Variants in HMCN2 observed in about 807,000 individuals in gnomAD.
HMCN2 encodes the protein hemicentin-2.
HMCN2 carries 325 observed loss-of-function variants against 377.5 expected under a neutral mutation model. The observed-to-expected ratio is 0.86, with a 90% CI of 0.79 to 0.94. The LOEUF (loss-of-function observed/expected upper bound fraction) is 0.94. Among genes scored for constraint, HMCN2 ranks in the 40% least tolerant of loss-of-function variants. HMCN2 has a pLI of 0.00. For synonymous variants in HMCN2, 2,007 were observed against 2,046.8 expected (o/e 0.98, Z 0.53); for missense variants, 4,543 against 4,725.3 (o/e 0.96, Z 1.13).
intron 15 of HMCN2, among the ~76,000 whole-genome samples, chr9:130,317,355 A>G (rs1055988812): frequency 3.3e-5 from 5 of 151,982 alleles, no homozygotes; most frequent in Non-Finnish European, 7.4e-5. Context: ...GCTCGTCTTC[A>G]TGCCTGTCAC....
chr9:130,348,103 C>T (rs1160332205), intron 26 of HMCN2: 1 of 939,152 alleles, frequency 1.1e-6, no homozygotes, highest in Non-Finnish European at 1.3e-6. Context: ...GGCAGTTCTA[C>T]CAGCTCCTAA....
intron 96 of HMCN2, 135 bp downstream of exon 96, chr9:130,431,621 C>T: frequency 7.6e-7 from 1 of 1,312,600 alleles, no homozygotes; most frequent in Non-Finnish European, 1.0e-6. Flanking sequence ...GGCGGGGAGG[C>T]AGGCTCAGAG....
intron 77 of HMCN2, among the ~76,000 whole-genome samples, chr9:130,401,401 G>A (rs1790388206): frequency 6.6e-6 from 1 of 152,074 alleles, no homozygotes; most frequent in Non-Finnish European, 1.5e-5. Context: ...TCCGCTCACT[G>A]CAGCCTCCAC....
intron 15 of HMCN2, among the ~76,000 whole-genome samples, chr9:130,310,786 C>G (rs1837207189): frequency 6.6e-6 from 1 of 152,164 alleles, no homozygotes; most frequent in African/African-American, 2.4e-5. Flanking sequence ...GAATTCCAGT[C>G]TCGTCTCTGT....
In HMCN2 at chr9:130,394,651, T is replaced by C; in HGVS notation, c.10692+76T>C. On this transcript the variant is annotated intron_variant, in intron 69 of 97. Coordinates refer to ENST00000683500, the MANE Select transcript of HMCN2 (RefSeq NM_001291815.2). The surrounding 1 kb of genome is among the most constrained non-coding windows in gnomAD (Gnocchi z 5.1). ...GGGACTGCAGGTTCCCCAGACCCAGTGGGCAGTTGACAAAGTTGGGCTGAA... is the reference window on the plus strand; with the variant it reads ...GGGACTGCAGGTTCCCCAGACCCAGCGGGCAGTTGACAAAGTTGGGCTGAA... 1 of 1,142,354 alleles carries C rather than the reference T, an allele frequency of 8.8e-7. No homozygotes were observed. The highest frequency in any genetic ancestry group is 1.5e-5 in the South Asian group (1 of 67,548). The allele number at this position is 1,142,354 out of a possible 1,614,324, so 70.8% of individuals were successfully genotyped here. A position where few individuals can be genotyped will look rare whatever the true frequency, so the allele number is the denominator to read the frequency against.
intron 22 of HMCN2, among the ~76,000 whole-genome samples, chr9:130,332,863 C>G (rs1446625183): frequency 2.0e-5 from 3 of 152,234 alleles, no homozygotes; most frequent in Non-Finnish European, 4.4e-5. Context: ...GAGAACCAGC[C>G]GTGCAGCAGG....
intron 25 of HMCN2, among the ~76,000 whole-genome samples, chr9:130,343,528 C>CCCCCGAACCT (rs1839177657): frequency 6.6e-6 from 1 of 152,176 alleles, no homozygotes; most frequent in Non-Finnish European, 1.5e-5. Context: ...CCCACCTGGC[C>CCCCCGAACCT]CCCCGACCCT....
rs145356627 is a variant in HMCN2, at chr9:130,408,140, C to T, written c.12688+435C>T. On this transcript the variant is annotated intron_variant, in intron 83 of 97. Coordinates refer to ENST00000683500, the MANE Select transcript of HMCN2 (RefSeq NM_001291815.2). ...GTAGCACAGGAGCCCTCGGTGACAA[C>T]GTGTCTTAGTTTGCACAACCTCAGG... Among the ~76,000 whole-genome samples, 598 of 152,254 alleles carry T rather than the reference C, an allele frequency of 3.9e-3. 1 individual carries two copies. Among genetic ancestry groups the T allele is most frequent in the African/African-American group, 7.0e-3 (290 of 41,550 alleles).
chr9:130,395,123 TG>T lies in HMCN2; in HGVS notation c.10774+19del, dbSNP rs780687731. On this transcript the variant is annotated intron_variant, in intron 70 of 97. Transcript: ENST00000683500. ...CAGGGTTCAAGGTAGGTGGTGGGGG[TG>T]GGGTGGGGGCAGGGCCGGGAGGCAG... The T allele has an allele frequency of 3.0e-4, 25 of 83,322 alleles. No individual in the cohort carries two copies. The South Asian group carries it at 4.5e-3, about 15-fold the overall frequency. 5.2% of individuals were successfully genotyped at this position (83,322 alleles called of 1,614,324 possible). A position where few individuals can be genotyped will look rare whatever the true frequency, so the allele number is the denominator to read the frequency against.
Position 130,416,442 on chromosome 9 carries a change from C to T in HMCN2, c.12962-2330C>T, listed in dbSNP as rs114940422. On this transcript the variant is annotated intron_variant, in intron 85 of 97. Transcript: ENST00000683500. ...TAAGTGGAATCACCCCACACGTGCTCTTGCGTAGACTCTTCTTTTGCACAT... is the reference window on the plus strand; with the variant it reads ...TAAGTGGAATCACCCCACACGTGCTTTTGCGTAGACTCTTCTTTTGCACAT... Among the ~76,000 whole-genome samples the T allele has an allele frequency of 8.6e-3, 1,310 of 151,788 alleles. 20 individuals carry two copies. Among genetic ancestry groups the T allele is most frequent in the African/African-American group, 0.03 (1,247 of 41,084 alleles).
intron 15 of HMCN2, among the ~76,000 whole-genome samples, chr9:130,314,753 G>A (rs1315560943): frequency 6.6e-6 from 1 of 152,206 alleles, no homozygotes; most frequent in Non-Finnish European, 1.5e-5. Context: ...ACAGCCCTGG[G>A]TGGGAGGCAG....
At chr9:130,376,251 G>A (rs1052060227) in intron 51 of HMCN2, among the ~76,000 whole-genome samples, 4 of 152,154 alleles carry the variant, frequency 2.6e-5, no homozygotes, top group African/African-American at 9.7e-5. Context: ...ATAAACAGAG[G>A]CTCTGCAGAT....
At chr9:130,344,880 ATG>A in intron 25 of HMCN2, among the ~76,000 whole-genome samples, 1 of 113,346 alleles carries the variant, frequency 8.8e-6, no homozygotes, top group Admixed American at 8.9e-5. Flanking sequence ...TGGTGTGTGT[ATG>A]GTGTTTGGTG....
Position 130,425,773 on chromosome 9 carries a change from G to T in HMCN2, c.13728G>T (p.Ser4576=). 2 of 1,550,430 alleles carry T rather than the reference G, an allele frequency of 1.3e-6. No individual in the cohort carries two copies. Residue 4576 remains serine, a synonymous_variant, in exon 90 of 98, where the codon TCG becomes TCT. Transcript: ENST00000683500. ...GCTTCTTCCAGGGCGGCCTCCCCTC[G>T]TTCCTACGCTGCAACCACAGCATCC... The part of the protein sequence containing the change: ...TQRFFQGGLP[S]FLRCNHSIQY...
At position 130,286,815 on chromosome 9, in the gene HMCN2, G is replaced by A. The variant is rs1404023577; in HGVS notation, c.612+505G>A. 2.6e-5 allele frequency among the ~76,000 whole-genome samples: 4 copies of A among 152,204 alleles called. No homozygotes were observed. In the East Asian group the frequency reaches 5.8e-4, roughly 22 times the overall value. ...GGCTTGCTGTGTGGCCTACAGTGCC[G>A]GGATCTGCGTTCACTCAGAGCCCAG... is the stretch of plus-strand genomic sequence containing the variant. On this transcript the variant is annotated intron_variant, in intron 4 of 97. Transcript: ENST00000683500.
chr9:130,316,225 T>C (rs1237503737), intron 15 of HMCN2, among the ~76,000 whole-genome samples: 1 of 152,144 alleles, frequency 6.6e-6, no homozygotes, highest in Non-Finnish European at 1.5e-5. Context: ...GGAAGCAGCG[T>C]CAGGGACTGT....
chr9:130,428,425 GTCCTACCGCTGCC>G lies in HMCN2; in HGVS notation c.14137_14149del (p.Tyr4713ProfsTer59). 6.5e-7 allele frequency: 1 copy of G among 1,547,122 alleles called. No individual in the cohort carries two copies. The highest frequency in any genetic ancestry group is 8.7e-7 in the Non-Finnish European group (1 of 1,146,948). On this transcript the variant is annotated frameshift_variant, in exon 93 of 98. Transcript: ENST00000683500. LOFTEE classifies it high-confidence loss of function. This position sits in a 1 kb window ranked among gnomAD's most constrained non-coding sequence, Gnocchi z 5.0. ...GACAGCGCTGTGTGAACCTGCTCGG[GTCCTACCGCTGCC>G]TCCCCGACTGTGGGCCTGGCTTCCG...
chr9:130,417,102 A>G (rs902131944), intron 85 of HMCN2, among the ~76,000 whole-genome samples: 2 of 151,482 alleles, frequency 1.3e-5, no homozygotes, highest in South Asian at 2.1e-4. Context: ...TAGTAGAAAT[A>G]GGGTTTCACC....
At chr9:130,370,761 C>T (rs1327623146) in intron 45 of HMCN2, among the ~76,000 whole-genome samples, 9 of 152,184 alleles carry the variant, frequency 5.9e-5, no homozygotes, top group East Asian at 3.9e-4. Context: ...GGAGCCTGCC[C>T]GACTCCAGAG....
Sources: allele counts gnomAD v4.1 joint callset (sites outside exome capture counted in the v4.1 genomes callset), GRCh38; gene constraint gnomAD v4.1.1; non-coding constraint Gnocchi (gnomAD v3.1); transcripts MANE v1.5; gene names NCBI Gene and HGNC (gene_info 2026-07-23, HGNC 2026-07-21).